F5: variants seen among roughly 807,000 people sequenced by gnomAD.
The protein encoded by F5 is activated protein c cofactor.
In F5, 138 loss-of-function variants were observed where a neutral mutation model predicts 216.4. The ratio of observed to expected loss-of-function variants is 0.64; its 90% confidence interval spans 0.56 to 0.73. The LOEUF is 0.73. Ranked by LOEUF, F5 falls within the 30% of genes least tolerant of loss-of-function variation. The probability of loss-of-function intolerance (pLI) is 0.00; values close to 1 mark genes in which losing one functional copy is unlikely to be tolerated. For missense variants in F5, 2,403 were observed against 2,674.0 expected (o/e 0.90, Z 2.24); for synonymous variants, 916 against 930.7 (o/e 0.98, Z 0.29).
chr1:169,524,001 G>A (rs1397793676), intron 19 of F5, 97 bp from the exon 20 acceptor site: 1 of 1,026,900 alleles, frequency 9.7e-7, no homozygotes, highest in Non-Finnish European at 1.5e-6. Context: ...GATCCTTGGA[G>A]GACCTGTGTT....
At chr1:169,552,290 C>G (rs182367565) in intron 8 of F5, among the ~76,000 whole-genome samples, 1 of 152,162 alleles carries the variant, frequency 6.6e-6, no homozygotes, top group Non-Finnish European at 1.5e-5. Context: ...ATCTACTTAT[C>G]TGTGGCTTTA....
chr1:169,555,302 G>A lies in F5; in HGVS notation c.998C>T (p.Thr333Ile). ...YIDIKNCPKK[T>I]RNLKKITREQ... ...ACGAGTTATTTTCTTAAGATTCCTG[G>A]TTTTCTTTGGGCAGTTTTTAATGTC... The change falls in exon 7 of 25, where the codon ACC becomes ATC. Residue 333 changes from threonine (T) to isoleucine (I), a missense_variant. This residue lies in a region of F5 where 1,425 missense variants were observed against 1,554.8 expected (regional missense o/e 0.92). Coordinates refer to ENST00000367797, the MANE Select transcript of F5 (RefSeq NM_000130.5). The A allele has an allele frequency of 6.2e-7, 1 of 1,613,998 alleles. No homozygotes were observed. Among genetic ancestry groups the A allele is most frequent in the Non-Finnish European group, 8.5e-7 (1 of 1,179,980 alleles).
chr1:169,517,386 C>A (rs146564090), intron 23 of F5, among the ~76,000 whole-genome samples: 87 of 152,226 alleles, frequency 5.7e-4, no homozygotes, highest in Admixed American at 9.2e-4. Context: ...GTGTGGAATC[C>A]AATCTTTTCT....
At position 169,540,770 on chromosome 1, in the gene F5, T is replaced by G. The variant is rs2101817762; in HGVS notation, c.4320A>C (p.Pro1440=). The G allele has an allele frequency of 1.9e-6, 3 of 1,614,032 alleles. No individual in the cohort carries two copies. Among genetic ancestry groups the G allele is most frequent in the South Asian group, 2.2e-5 (2 of 91,080 alleles). ...SPDLSQVTLS[P]DISDTTLLPD... is the part of the protein sequence containing the mutation. ...GGAGAAGGGTGGTGTCACTGATGTC[T>G]GGAGAGAGAGTCACCTGGCTGAGGT... is the stretch of plus-strand genomic sequence containing the variant. Residue 1440 remains proline (P), a synonymous_variant, in exon 13 of 25, where the codon CCA becomes CCC. Transcript: ENST00000367797.
chr1:169,518,525 C>A lies in F5; in HGVS notation c.6232G>T (p.Glu2078Ter). The A allele has an allele frequency of 6.2e-7, 1 of 1,613,854 alleles. No homozygotes were observed. The highest frequency in any genetic ancestry group is 8.5e-7 in the Non-Finnish European group (1 of 1,179,866). The stretch of plus-strand genomic sequence containing the variant: ...GAAGAAGCTGTGATTTGCTTGTTTT[C>A]TATCTTTCCATTTTCCATACCCAGG... ...TPLGMENGKI[E>*]NKQITASSFK... is the part of the protein sequence containing the mutation. Residue 2078 changes from glutamate (E) to a stop codon, truncating the protein, a stop_gained, in exon 23 of 25, where the codon GAA (glutamate) becomes TAA (stop). Transcript: ENST00000367797. LOFTEE classifies it high-confidence loss of function.
rs957625175 is a variant in F5, at chr1:169,541,659, G to A, written c.3431C>T (p.Pro1144Leu). ...DPDQMHSTSD[P>L]SHRSSSPELS... ...CTCTGGAGAAGAGGATCTGTGACTG[G>A]GGTCTGAAGTAGAGTGCATTTGATC... The change falls in exon 13 of 25, where the codon CCC becomes CTC. Residue 1144 changes from proline (P) to leucine (L), a missense_variant. Physicochemically the swap from Pro to Leu is moderately conservative, Grantham distance 98. This residue lies in a region of F5 where 1,425 missense variants were observed against 1,554.8 expected (regional missense o/e 0.92). Transcript: ENST00000367797. 17 of 1,614,014 alleles carry A rather than the reference G, an allele frequency of 1.1e-5. No homozygotes were observed. In the African/African-American group the frequency reaches 2.0e-4, roughly 19 times the overall value.
At position 169,530,964 on chromosome 1, in the gene F5, T is replaced by A; in HGVS notation, c.5030A>T (p.Tyr1677Phe). 4.3e-6 allele frequency: 7 copies of A among 1,613,892 alleles called. No homozygotes were observed. Among genetic ancestry groups the A allele is most frequent in the Non-Finnish European group, 5.9e-6 (7 of 1,179,844 alleles). Residue 1677 changes from tyrosine (Y) to phenylalanine (F), a missense_variant, in exon 15 of 25, where the codon TAT becomes TTT. Tyr to Phe is a conservative substitution (Grantham distance 22, BLOSUM62 3). Around this residue, in one of 4 missense-constraint regions of F5, gnomAD observed 659 missense variants for 787.9 expected, o/e 0.84. Coordinates refer to ENST00000367797, the MANE Select transcript of F5 (RefSeq NM_000130.5). Reference protein sequence around the residue: ...PYSLHAHGLSYEKSSEGKTYE... With the variant: ...PYSLHAHGLSFEKSSEGKTYE... Reference sequence around the variant, plus strand: ...AGTCTTTCCCTCTGATGATTTTTCATAGGAAAGTCCATGGGCATGTAGAGA... The same window carrying A: ...AGTCTTTCCCTCTGATGATTTTTCAAAGGAAAGTCCATGGGCATGTAGAGA...
chr1:169,581,780 G>A (rs567793708), intron 2 of F5, among the ~76,000 whole-genome samples: 3 of 152,056 alleles, frequency 2.0e-5, no homozygotes, highest in African/African-American at 7.2e-5. Flanking sequence ...AAGAGATGAG[G>A]AAAAAATAAG....
chr1:169,540,335 A>T lies in F5; in HGVS notation c.4755T>A (p.Ala1585=). 6.2e-7 allele frequency: 1 copy of T among 1,613,966 alleles called. No homozygotes were observed. The highest frequency in any genetic ancestry group is 8.5e-7 in the Non-Finnish European group (1 of 1,179,882). Residue 1585 remains alanine (A), a synonymous_variant, in exon 13 of 25, where the codon GCT becomes GCA. Transcript: ENST00000367797. Reference sequence around the variant, plus strand: ...AATAATCCCAGGATATTTCTTCAGCAGCAATGTAATAATTTCTTCTGTTTC... The same window carrying T: ...AATAATCCCAGGATATTTCTTCAGCTGCAATGTAATAATTTCTTCTGTTTC... ...NNGNRRNYYI[A]AEEISWDYSE... is the part of the protein sequence containing the mutation.
Position 169,542,720 on chromosome 1 carries a change from GT to G in F5, c.2369del (p.Asn790ThrfsTer21). The G allele has an allele frequency of 6.2e-7, 1 of 1,614,108 alleles. No homozygotes were observed. Among genetic ancestry groups the G allele is most frequent in the Non-Finnish European group, 8.5e-7 (1 of 1,179,986 alleles). On this transcript the variant is annotated frameshift_variant, in exon 13 of 25. Coordinates refer to ENST00000367797, the MANE Select transcript of F5 (RefSeq NM_000130.5). LOFTEE classifies it high-confidence loss of function. ...AAGGGGCTTTCTGAGGTTCTGCAAG[GT>G]TATTGACAGTGAACTTACTAATATT... Reference protein sequence around the residue: ...PSNISKFTVNNLAEPQKAPSH... With the variant: ...PSNISKFTVNXLAEPQKAPSH...
chr1:169,555,493 A>T, intron 6 of F5, 146 bp from the exon 7 acceptor site: 1 of 920,608 alleles, frequency 1.1e-6, no homozygotes. Context: ...TGAACATTTT[A>T]GTTTGGAACT....
Position 169,512,928 on chromosome 1 carries a change from G to A in F5, c.*1385C>T, listed in dbSNP as rs1243347732. Among the ~76,000 whole-genome samples the A allele has an allele frequency of 6.6e-6, 1 of 152,012 alleles. No individual in the cohort carries two copies. Among genetic ancestry groups the A allele is most frequent in the Admixed American group, 6.6e-5 (1 of 15,224 alleles). On this transcript the variant is annotated 3_prime_UTR_variant, in exon 25 of 25. Coordinates refer to ENST00000367797, the MANE Select transcript of F5 (RefSeq NM_000130.5). ...TCACAACGAATAGAATGCAGCAAAA[G>A]CAAAGCCCTGTCTCCTAGAGATTCT...
chr1:169,559,043 A>G, intron 5 of F5, 110 bp downstream of exon 5: 1 of 1,096,588 alleles, frequency 9.1e-7, no homozygotes, highest in Non-Finnish European at 1.4e-6. Context: ...CTTGATAGGG[A>G]GTTGCAAAAC....
In F5 at chr1:169,540,951, C is replaced by T. The variant is rs1385798558; in HGVS notation, c.4139G>A (p.Ser1380Asn). The change falls in exon 13 of 25, where the codon AGT becomes AAT. Residue 1380 changes from serine (S) to asparagine (N), a missense_variant. By Grantham distance (46) the Ser-to-Asn change is conservative. Coordinates refer to ENST00000367797, the MANE Select transcript of F5 (RefSeq NM_000130.5). Reference sequence around the variant, plus strand: ...GAGGTCTGGGGAAAGGTTTGTCTGACTGAGTTCTGGAGAGAGGTTTGTCTG... The same window carrying T: ...GAGGTCTGGGGAAAGGTTTGTCTGATTGAGTTCTGGAGAGAGGTTTGTCTG... ...LSQTNLSPELSQTNLSPDLSE... is the reference protein window; with the variant it reads ...LSQTNLSPELNQTNLSPDLSE... The T allele has an allele frequency of 6.2e-7, 1 of 1,611,554 alleles. No homozygotes were observed. The highest frequency in any genetic ancestry group is 1.3e-5 in the African/African-American group (1 of 74,858).
intron 13 of F5, among the ~76,000 whole-genome samples, chr1:169,540,000 G>A (rs1395012249): frequency 6.6e-6 from 1 of 152,154 alleles, no homozygotes; most frequent in African/African-American, 2.4e-5. Context: ...GCTCTGCCTG[G>A]AGCAATAAGA....
chr1:169,572,590 G>A (rs938643267), intron 2 of F5, among the ~76,000 whole-genome samples: 3 of 152,228 alleles, frequency 2.0e-5, no homozygotes, highest in African/African-American at 7.2e-5. Flanking sequence ...CAGAGTAGGA[G>A]AAATAGTTCT....
rs554587209 is a variant in F5 at position 169,577,881 on chromosome 1, A to G, written c.250+4550T>C. 3.3e-5 allele frequency among the ~76,000 whole-genome samples: 5 copies of G among 152,108 alleles called. No homozygotes were observed. The East Asian group carries it at 9.7e-4, about 29-fold the overall frequency. The stretch of plus-strand genomic sequence containing the variant: ...CTACAGCCCAGCCCCCTACAATTAC[A>G]AGAACTAACAACAACAATAGTTCAT... On this transcript the variant is annotated intron_variant, in intron 2 of 24. Transcript: ENST00000367797.
rs1479148297 is a variant in F5, at chr1:169,515,767, C to G, written c.6346-141G>C. On this transcript the variant is annotated intron_variant, in intron 23 of 24. Coordinates refer to ENST00000367797, the MANE Select transcript of F5 (RefSeq NM_000130.5). Reference sequence around the variant, plus strand: ...CTTAGGATTCACAGTCTCCTAGAAGCTTTCCCTCTTTCTTCTTCATTGCCA... The same window carrying G: ...CTTAGGATTCACAGTCTCCTAGAAGGTTTCCCTCTTTCTTCTTCATTGCCA... The G allele has an allele frequency of 4.0e-6, 3 of 748,154 alleles. No individual in the cohort carries two copies. The African/African-American group carries it at 5.3e-5, about 13-fold the overall frequency. The allele number at this position is 748,154 out of a possible 1,614,324, so 46.3% of individuals were successfully genotyped here. A position where few individuals can be genotyped will look rare whatever the true frequency, so the allele number is the denominator to read the frequency against.
intron 22 of F5, among the ~76,000 whole-genome samples, chr1:169,519,031 G>A (rs1188186808): frequency 6.6e-6 from 1 of 152,112 alleles, no homozygotes; most frequent in African/African-American, 2.4e-5. Flanking sequence ...AATATTTTCT[G>A]TTTCAACCCT....
Sources: allele counts gnomAD v4.1 joint callset (sites outside exome capture counted in the v4.1 genomes callset), GRCh38; gene constraint gnomAD v4.1.1; regional missense constraint gnomAD v4.1.1; transcripts MANE v1.5; gene names NCBI Gene and HGNC (gene_info 2026-07-23, HGNC 2026-07-21).